Variants in EPSTI1 observed in about 807,000 individuals in gnomAD.
EPSTI1 encodes the protein epithelial-stromal interaction protein 1.
In EPSTI1, 66 loss-of-function variants were observed where a neutral mutation model predicts 49.9. That is an observed-to-expected ratio of 1.32 (90% CI 1.08 to 1.62). The LOEUF (loss-of-function observed/expected upper bound fraction) is 1.62, where lower values mean the gene tolerates loss of function less well. EPSTI1 is among the 40% of genes most tolerant of loss of function. EPSTI1 has a pLI of 0.00. For synonymous variants in EPSTI1, 137 were observed against 130.7 expected (o/e 1.05, Z -0.33); for missense variants, 394 against 365.5 (o/e 1.08, Z -0.64).
At position 42,939,260 on chromosome 13, in the gene EPSTI1, G is replaced by A. The variant is rs77747728; in HGVS notation, c.564-12831C>T. 9.3e-3 allele frequency among the ~76,000 whole-genome samples: 1,416 copies of A among 152,234 alleles called. 38 individuals carry two copies. The South Asian group carries it at 0.098, about 11-fold the overall frequency. On this transcript the variant is annotated intron_variant, in intron 6 of 10. Transcript: ENST00000313624. Reference sequence around the variant, plus strand: ...TTAGCAATACAGCTATTTTGCCTTCGTATCATTCACATGTTCACTGGAGTA... The same window carrying A: ...TTAGCAATACAGCTATTTTGCCTTCATATCATTCACATGTTCACTGGAGTA...
At position 42,905,325 on chromosome 13, in the gene EPSTI1, G is replaced by C. The variant is rs150231977; in HGVS notation, c.742-4942C>G. Among the ~76,000 whole-genome samples the C allele has an allele frequency of 7.2e-5, 11 of 152,246 alleles. 1 individual carries two copies. The highest frequency in any genetic ancestry group is 2.6e-4 in the African/African-American group (11 of 41,552). ...TGGCCGAAGGGAAGGTGCTGGCATC[G>C]CTGCACTCAGGATTATTATCCTATA... On this transcript the variant is annotated intron_variant, in intron 8 of 10. Transcript: ENST00000313624.
intron 8 of EPSTI1, among the ~76,000 whole-genome samples, chr13:42,904,389 T>C (rs1184414456): frequency 6.6e-6 from 1 of 152,144 alleles, no homozygotes. Flanking sequence ...ATTAAAACGA[T>C]GAGATAAAGT....
chr13:42,909,403 A>G (rs1286290084), intron 8 of EPSTI1, among the ~76,000 whole-genome samples: 1 of 152,172 alleles, frequency 6.6e-6, no homozygotes, highest in Non-Finnish European at 1.5e-5. Flanking sequence ...TTAAAAATAG[A>G]AGTACCATAT....
chr13:42,969,382 G>A (rs753545636), intron 2 of EPSTI1: 13 of 571,442 alleles, frequency 2.3e-5, no homozygotes, highest in Non-Finnish European at 3.7e-5. Flanking sequence ...TTCTCACCAA[G>A]AGTCAGCACA....
intron 5 of EPSTI1, among the ~76,000 whole-genome samples, chr13:42,958,800 A>AG (rs1555266846): frequency 1.3e-5 from 2 of 151,634 alleles, no homozygotes; most frequent in African/African-American, 4.8e-5. Flanking sequence ...AAGAAAAAAA[A>AG]TGCTGGGCAT....
chr13:42,942,241 T>A (rs1360593781), intron 6 of EPSTI1, among the ~76,000 whole-genome samples: 1 of 152,200 alleles, frequency 6.6e-6, no homozygotes. Flanking sequence ...GCTAGATTTG[T>A]ATTTTTCTAG....
At position 42,922,409 on chromosome 13, in the gene EPSTI1, A is replaced by G. The variant is rs1446789587; in HGVS notation, c.657+3927T>C. Among the ~76,000 whole-genome samples, 5 of 152,178 alleles carry G rather than the reference A, an allele frequency of 3.3e-5. No homozygotes were observed. The highest frequency in any genetic ancestry group is 9.7e-5 in the African/African-American group (4 of 41,442). On this transcript the variant is annotated intron_variant, in intron 7 of 10. Transcript: ENST00000313624. The surrounding 1 kb of genome is among the most constrained non-coding windows in gnomAD (Gnocchi z 4.8). ...ATTATAAGAGGAAGGCAGAAAGGTC[A>G]GGGAGGGTGCAGAAGGTTGGGTGAG... is the stretch of plus-strand genomic sequence containing the variant.
intron 6 of EPSTI1, among the ~76,000 whole-genome samples, chr13:42,940,686 G>A (rs1315931183): frequency 6.6e-6 from 1 of 152,148 alleles, no homozygotes; most frequent in African/African-American, 2.4e-5. Flanking sequence ...TGATCCACCT[G>A]CCTCAGCCTC....
chr13:42,895,555 C>T (rs1242010365), intron 9 of EPSTI1, among the ~76,000 whole-genome samples: 1 of 152,198 alleles, frequency 6.6e-6, no homozygotes, highest in East Asian at 1.9e-4. Flanking sequence ...CACTCCACTG[C>T]CAGTCTTGCT....
chr13:42,894,487 A>C (rs1290970372), intron 10 of EPSTI1, among the ~76,000 whole-genome samples: 1 of 152,200 alleles, frequency 6.6e-6, no homozygotes, highest in Non-Finnish European at 1.5e-5. Flanking sequence ...ACATATTGCA[A>C]CACAGTTGCA....
intron 9 of EPSTI1, among the ~76,000 whole-genome samples, chr13:42,899,972 G>T (rs1272584972): frequency 6.6e-6 from 1 of 151,990 alleles, no homozygotes; most frequent in Non-Finnish European, 1.5e-5. Flanking sequence ...GTCTATAAAT[G>T]GTAGACTATC....
intron 7 of EPSTI1, among the ~76,000 whole-genome samples, chr13:42,924,210 T>C (rs2038102965): frequency 1.3e-5 from 2 of 152,222 alleles, no homozygotes; most frequent in Admixed American, 1.3e-4. Flanking sequence ...ATTAAATATA[T>C]TGAACACTGA....
At chr13:42,907,751 A>C (rs183550156) in intron 8 of EPSTI1, among the ~76,000 whole-genome samples, 46 of 152,378 alleles carry the variant, frequency 3.0e-4, no homozygotes, top group Admixed American at 1.0e-3. Context: ...ATTGAAATTT[A>C]TTACTAGAAT....
intron 3 of EPSTI1, among the ~76,000 whole-genome samples, chr13:42,967,892 C>A (rs2153432607): frequency 6.6e-6 from 1 of 152,308 alleles, no homozygotes; most frequent in East Asian, 1.9e-4. Flanking sequence ...AAAAGTCCAG[C>A]CACACCCTGT....
In EPSTI1 at chr13:42,906,000, A is replaced by G. The variant is rs566935312; in HGVS notation, c.742-5617T>C. Among the ~76,000 whole-genome samples the G allele has an allele frequency of 2.0e-5, 3 of 152,336 alleles. No individual in the cohort carries two copies. In the South Asian group the frequency reaches 6.2e-4, roughly 32 times the overall value. On this transcript the variant is annotated intron_variant, in intron 8 of 10. Coordinates refer to ENST00000313624, the MANE Select transcript of EPSTI1 (RefSeq NM_033255.5). Reference sequence around the variant, plus strand: ...AAACAAAATACCATCCTAGAGATTGAAAGTATGGAACTTCCTACAAACATT... The same window carrying G: ...AAACAAAATACCATCCTAGAGATTGGAAGTATGGAACTTCCTACAAACATT...
At chr13:42,986,804 A>AG (rs1311235471) in intron 1 of EPSTI1, among the ~76,000 whole-genome samples, 8 of 148,386 alleles carry the variant, frequency 5.4e-5, no homozygotes, top group African/African-American at 2.0e-4. Context: ...TTCTGGGGAG[A>AG]GGCGGGGGCT....
chr13:42,974,743 A>G (rs1426394878), intron 1 of EPSTI1, among the ~76,000 whole-genome samples: 1 of 152,206 alleles, frequency 6.6e-6, no homozygotes, highest in Non-Finnish European at 1.5e-5. Context: ...CAATTTTTAT[A>G]ACTTTTTATC....
intron 10 of EPSTI1, chr13:42,889,303 T>C: frequency 9.6e-7 from 1 of 1,043,026 alleles, no homozygotes. Flanking sequence ...AATAAATGTA[T>C]ATGTTAAGAA....
chr13:42,886,487 TTTC>T lies in EPSTI1; in HGVS notation c.*2004_*2006del, dbSNP rs1161365766. 1 of 152,196 alleles carries T rather than the reference TTTC, an allele frequency of 6.6e-6. No individual in the cohort carries two copies. Among genetic ancestry groups the T allele is most frequent in the Non-Finnish European group, 1.5e-5 (1 of 68,014 alleles). 9.4% of individuals were successfully genotyped at this position (152,196 alleles called of 1,614,324 possible). A position where few individuals can be genotyped will look rare whatever the true frequency, so the allele number is the denominator to read the frequency against. ...AACAAACATCTTACATTGGAACGATTTTCTTGTTTTTATTTTCTACAAAAAAAA... is the reference window on the plus strand; with the variant it reads ...AACAAACATCTTACATTGGAACGATTTTGTTTTTATTTTCTACAAAAAAAA... On this transcript the variant is annotated 3_prime_UTR_variant, in exon 11 of 11. Transcript: ENST00000313624.
Sources: gnomAD v4.1 joint callset for allele counts (sites outside exome capture counted in the v4.1 genomes callset) on GRCh38, gnomAD v4.1.1 for gene constraint, Gnocchi (gnomAD v3.1) non-coding constraint, MANE v1.5 for transcripts, NCBI Gene and HGNC (gene_info 2026-07-23, HGNC 2026-07-21) for gene names.